Variants in EIF4G2 observed in about 807,000 individuals in gnomAD.
EIF4G2 encodes the protein DAP-5.
In EIF4G2, 8 loss-of-function variants were observed where a neutral mutation model predicts 117.7. That is an observed-to-expected ratio of 0.07 (90% confidence interval 0.04 to 0.12). The LOEUF (loss-of-function observed/expected upper bound fraction) is 0.12, where lower values mean the gene tolerates loss of function less well. Ranked by LOEUF, EIF4G2 falls within the 10% of genes least tolerant of loss-of-function variation. EIF4G2 has a pLI of 1.00. For synonymous variants in EIF4G2, 413 were observed against 367.8 expected (o/e 1.12, Z -1.41); for missense variants, 812 against 1,086.2 (o/e 0.75, Z 3.55).
rs1847401838 is a variant in EIF4G2, at chr11:10,801,015, T to C, written c.1486A>G (p.Met496Val). The C allele has an allele frequency of 3.7e-6, 6 of 1,614,082 alleles. No homozygotes were observed. Among genetic ancestry groups the C allele is most frequent in the South Asian group, 2.2e-5 (2 of 91,086 alleles). Residue 496 changes from methionine (M) to valine (V), a missense_variant, in exon 15 of 22, where the codon ATG (methionine) becomes GTG (valine). By Grantham distance (21) the Met-to-Val change is conservative. This residue lies in a region of EIF4G2 where 571 missense variants were observed against 642.3 expected (regional missense o/e 0.89). Transcript: ENST00000339995. ...GGTGGTTGTGCACTAGGAGGAATCA[T>C]AGTTATCTGGGGCTGAAGCTTTGGC...
At chr11:10,804,860 T>A in intron 5 of EIF4G2, 53 bp downstream of exon 5, 1 of 1,465,040 alleles carries the variant, frequency 6.8e-7, no homozygotes. Context: ...ACAACTTGAG[T>A]TTGTTAAACA....
At chr11:10,800,062 C>CA in intron 18 of EIF4G2, 28 bp downstream of exon 18, 1 of 1,599,692 alleles carries the variant, frequency 6.3e-7, no homozygotes, top group Non-Finnish European at 8.5e-7. Flanking sequence ...ATTAAAAAAA[C>CA]AAAACAAACA....
intron 1 of EIF4G2, chr11:10,807,843 A>G: frequency 1.0e-6 from 1 of 986,974 alleles, no homozygotes; most frequent in African/African-American, 1.8e-5. Context: ...AGCTCGTGGA[A>G]AGACGCGCGA....
intron 3 of EIF4G2, 81 bp from the exon 4 acceptor site, chr11:10,806,128 G>C (rs925490809): frequency 6.3e-7 from 1 of 1,586,950 alleles, no homozygotes; most frequent in Non-Finnish European, 8.6e-7. Flanking sequence ...ATAGAAAAAA[G>C]TAATTTAGGC....
Position 10,803,452 on chromosome 11 carries a change from GTAC to G in EIF4G2, c.813+25_813+27del, listed in dbSNP as rs767612118. On this transcript the variant is annotated intron_variant, in intron 9 of 21. Coordinates refer to ENST00000339995, the MANE Select transcript of EIF4G2 (RefSeq NM_001418.4). This position sits in a 1 kb window ranked among gnomAD's most constrained non-coding sequence, Gnocchi z 4.0. ...AGCTTGATTTAAAGACAAACTACTTGTACTACTTTCATCAGCTACACACGTACC... is the reference window on the plus strand; with the variant it reads ...AGCTTGATTTAAAGACAAACTACTTGTACTTTCATCAGCTACACACGTACC... 6.9e-6 allele frequency: 11 copies of G among 1,595,080 alleles called. No homozygotes were observed. The highest frequency in any genetic ancestry group is 8.6e-6 in the Non-Finnish European group (10 of 1,163,284).
intron 1 of EIF4G2, 187 bp from the exon 2 acceptor site, chr11:10,807,568 C>T: frequency 8.0e-7 from 1 of 1,255,938 alleles, no homozygotes; most frequent in South Asian, 2.4e-5. Flanking sequence ...CCCCGGTGTT[C>T]AAGGATGCAA....
At chr11:10,802,231 A>T in intron 12 of EIF4G2, 22 bp from the exon 13 acceptor site, 1 of 1,611,582 alleles carries the variant, frequency 6.2e-7, no homozygotes, top group Non-Finnish European at 8.5e-7. Context: ...TATACGGACA[A>T]CTCTCAAAAC....
intron 11 of EIF4G2, 103 bp downstream of exon 11, chr11:10,802,927 G>C (rs1291703361): frequency 4.2e-6 from 4 of 954,260 alleles, no homozygotes; most frequent in Non-Finnish European, 6.3e-6. Flanking sequence ...CCACCACTAA[G>C]ATGAGACAGA....
At chr11:10,805,800 A>G in intron 4 of EIF4G2, 107 bp downstream of exon 4, 1 of 1,509,944 alleles carries the variant, frequency 6.6e-7, no homozygotes, top group Non-Finnish European at 9.2e-7. Context: ...TCATTAAAAC[A>G]TACATACTCT....
rs570054550 is a variant in EIF4G2, at chr11:10,807,844, A to T, written c.-86-463T>A. 6.1e-6 allele frequency: 6 copies of T among 985,950 alleles called. No individual in the cohort carries two copies. The South Asian group carries it at 1.8e-4, about 30-fold the overall frequency. 61.1% of individuals were successfully genotyped at this position (985,950 alleles called of 1,614,324 possible). ...TCCTCCCCGTGGAGAGCTCGTGGAAAGACGCGCGAGAGGGGGCCGGGTGTA... is the reference window on the plus strand; with the variant it reads ...TCCTCCCCGTGGAGAGCTCGTGGAATGACGCGCGAGAGGGGGCCGGGTGTA... On this transcript the variant is annotated intron_variant, in intron 1 of 21. Transcript: ENST00000339995.
Position 10,797,779 on chromosome 11 carries a change from A to G in EIF4G2, c.*37T>C, listed in dbSNP as rs777055660. ...TCAAATGCAGTTACATCATAGCAAC[A>G]GTATGTTTTGCACAATTTAAGGCTT... On this transcript the variant is annotated 3_prime_UTR_variant, in exon 22 of 22. Coordinates refer to ENST00000339995, the MANE Select transcript of EIF4G2 (RefSeq NM_001418.4). This position sits in a 1 kb window ranked among gnomAD's most constrained non-coding sequence, Gnocchi z 4.5. The G allele has an allele frequency of 1.1e-5, 17 of 1,605,132 alleles. No homozygotes were observed. Among genetic ancestry groups the G allele is most frequent in the Non-Finnish European group, 1.3e-5 (15 of 1,172,778 alleles).
chr11:10,798,123 G>C (rs1475246599), intron 21 of EIF4G2, among the ~76,000 whole-genome samples: 1 of 152,192 alleles, frequency 6.6e-6, no homozygotes, highest in Admixed American at 6.5e-5. Flanking sequence ...AAAAAGGTAG[G>C]AAGATGCTGC....
intron 19 of EIF4G2, 53 bp from the exon 20 acceptor site, chr11:10,799,477 A>G: frequency 6.2e-7 from 1 of 1,610,506 alleles, no homozygotes; most frequent in Non-Finnish European, 8.5e-7. Context: ...CTTGCTCAAG[A>G]GACAACTCTT....
chr11:10,808,645 G>A (rs1847668278), intron 1 of EIF4G2, 60 bp downstream of exon 1: 1 of 366,160 alleles, frequency 2.7e-6, no homozygotes, highest in Non-Finnish European at 4.2e-6. Context: ...GAGAAGAAGC[G>A]ACCAGGGACG....
In EIF4G2 at chr11:10,799,762, G is replaced by T; in HGVS notation, c.2120-6C>A. On this transcript the variant is annotated splice_polypyrimidine_tract_variant and splice_region_variant and intron_variant, in intron 18 of 21. Transcript: ENST00000339995. ...GTCCTTATTCTGATCAATTTCTGAA[G>T]AGACAAAGCCACCTGCATCATCTAA... The T allele has an allele frequency of 6.2e-7, 1 of 1,610,616 alleles. No homozygotes were observed. The highest frequency in any genetic ancestry group is 1.1e-5 in the South Asian group (1 of 90,524).
At chr11:10,798,703 G>T in intron 21 of EIF4G2, 1 of 232,124 alleles carries the variant, frequency 4.3e-6, no homozygotes, top group Non-Finnish European at 8.4e-6. Flanking sequence ...CTTTACTGAT[G>T]TTTTTAAAAA....
chr11:10,804,823 TAAG>T (rs1247845064), intron 5 of EIF4G2, 87 bp downstream of exon 5: 22 of 1,086,014 alleles, frequency 2.0e-5, no homozygotes, highest in South Asian at 1.3e-4. Context: ...CTAAGGGTTT[TAAG>T]TAGTAATCCA....
chr11:10,800,969 A>G lies in EIF4G2; in HGVS notation c.1532T>C (p.Leu511Pro), dbSNP rs1590040343. Reference sequence around the variant, plus strand: ...TCCTACTATGGTCTGTACCTGTCCCAGAGGTGGTGTTTGAGTGCGTGGTGG... The same window carrying G: ...TCCTACTATGGTCTGTACCTGTCCCGGAGGTGGTGTTTGAGTGCGTGGTGG... The change falls in exon 15 of 22, where the codon CTG becomes CCG. Residue 511 changes from leucine (L) to proline (P), a missense_variant. Transcript: ENST00000339995. 1 of 1,614,212 alleles carries G rather than the reference A, an allele frequency of 6.2e-7. No homozygotes were observed. The highest frequency in any genetic ancestry group is 2.2e-5 in the East Asian group (1 of 44,890).
In EIF4G2 at chr11:10,797,735, A is replaced by G. The variant is rs1590037415; in HGVS notation, c.*81T>C. The G allele has an allele frequency of 7.3e-7, 1 of 1,376,126 alleles. No individual in the cohort carries two copies. The highest frequency in any genetic ancestry group is 1.0e-6 in the Non-Finnish European group (1 of 974,878). 85.2% of individuals were successfully genotyped at this position (1,376,126 alleles called of 1,614,324 possible). ...ATTGTGAAAACATTACAGCGGAATG[A>G]ATTTTCGCAGTGGTTAGGTCAAATG... On this transcript the variant is annotated 3_prime_UTR_variant, in exon 22 of 22. Coordinates refer to ENST00000339995, the MANE Select transcript of EIF4G2 (RefSeq NM_001418.4). The surrounding 1 kb of genome is among the most constrained non-coding windows in gnomAD (Gnocchi z 4.5).
Sources: allele counts gnomAD v4.1 joint callset (sites outside exome capture counted in the v4.1 genomes callset), GRCh38; gene constraint gnomAD v4.1.1; regional missense constraint gnomAD v4.1.1; non-coding constraint Gnocchi (gnomAD v3.1); transcripts MANE v1.5; gene names NCBI Gene and HGNC (gene_info 2026-07-23, HGNC 2026-07-21).